The following SCLT1 variants were observed in gnomAD, a reference collection of about 807,000 sequenced individuals.
The protein encoded by SCLT1 is sodium channel and clathrin linker 1.
In SCLT1, 78 loss-of-function variants were observed where a neutral mutation model predicts 112.8. The observed-to-expected ratio is 0.69, with a 90% confidence interval of 0.58 to 0.83. The LOEUF (loss-of-function observed/expected upper bound fraction) is 0.83. SCLT1 is among the 40% of genes least tolerant of loss of function. SCLT1 has a pLI of 0.00. For synonymous variants in SCLT1, 257 were observed against 254.7 expected (o/e 1.01, Z -0.09); for missense variants, 747 against 770.4 (o/e 0.97, Z 0.36).
intron 9 of SCLT1, among the ~76,000 whole-genome samples, chr4:128,979,562 G>A (rs1278998336): frequency 6.6e-6 from 1 of 152,084 alleles, no homozygotes; most frequent in Non-Finnish European, 1.5e-5. Context: ...TGTTGTTTAT[G>A]AGCTATTCAG....
At chr4:129,012,337 T>G (rs1042396587) in intron 5 of SCLT1, among the ~76,000 whole-genome samples, 1 of 152,210 alleles carries the variant, frequency 6.6e-6, no homozygotes, top group African/African-American at 2.4e-5. Context: ...ATTGTATGGT[T>G]TTGAGCAAAT....
chr4:129,021,096 A>G (rs1454718758), intron 5 of SCLT1, among the ~76,000 whole-genome samples: 5 of 152,120 alleles, frequency 3.3e-5, no homozygotes, highest in African/African-American at 1.2e-4. Context: ...GGTCCAACCC[A>G]TGGAGGATGA....
chr4:129,093,372 G>A lies in SCLT1; in HGVS notation c.-269C>T. 1.8e-6 allele frequency: 1 copy of A among 543,262 alleles called. No individual in the cohort carries two copies. Among genetic ancestry groups the A allele is most frequent in the Non-Finnish European group, 3.3e-6 (1 of 302,538 alleles). The allele number at this position is 543,262 out of a possible 1,614,324, so 33.7% of individuals were successfully genotyped here. On this transcript the variant is annotated 5_prime_UTR_variant, in exon 1 of 21. Coordinates refer to ENST00000281142, the MANE Select transcript of SCLT1 (RefSeq NM_144643.4). The stretch of plus-strand genomic sequence containing the variant: ...AATCCCACGCTGGTGGGAAGAGGAC[G>A]CGGTCGATACAGGCGTCCCGCGGGT...
intron 2 of SCLT1, among the ~76,000 whole-genome samples, chr4:129,065,915 A>T (rs562956550): frequency 6.6e-6 from 1 of 152,172 alleles, no homozygotes; most frequent in East Asian, 1.9e-4. Flanking sequence ...AAATTAGAGT[A>T]ACCAGACACT....
chr4:129,071,526 T>C (rs1299288403), intron 2 of SCLT1, among the ~76,000 whole-genome samples: 2 of 152,226 alleles, frequency 1.3e-5, no homozygotes, highest in East Asian at 3.8e-4. Flanking sequence ...TTACCCATCA[T>C]ATAATGTCCC....
At chr4:128,958,466 C>T (rs1739398338) in intron 12 of SCLT1, among the ~76,000 whole-genome samples, 1 of 152,272 alleles carries the variant, frequency 6.6e-6, no homozygotes, top group Non-Finnish European at 1.5e-5. Flanking sequence ...TAGACAGCCT[C>T]TGTGAGCGTC....
chr4:129,039,768 A>C, intron 4 of SCLT1: 1 of 164,892 alleles, frequency 6.1e-6, no homozygotes, highest in Non-Finnish European at 1.3e-5. Context: ...TGAAGGAGTA[A>C]AAAGATGTTA....
intron 5 of SCLT1, among the ~76,000 whole-genome samples, chr4:129,033,715 C>G (rs369819976): frequency 1.3e-5 from 2 of 151,796 alleles, no homozygotes; most frequent in East Asian, 3.9e-4. Flanking sequence ...GCAGAAGAAA[C>G]AAGTAAAAGG....
At chr4:128,891,507 T>C (rs1218597439) in intron 18 of SCLT1, among the ~76,000 whole-genome samples, 1 of 152,200 alleles carries the variant, frequency 6.6e-6, no homozygotes, top group African/African-American at 2.4e-5. Flanking sequence ...ATACATATTT[T>C]AAAAGTACAA....
chr4:129,003,674 AT>A, intron 6 of SCLT1, 66 bp downstream of exon 6: 4 of 1,204,742 alleles, frequency 3.3e-6, no homozygotes, highest in Non-Finnish European at 4.7e-6. Flanking sequence ...ATAAATAATG[AT>A]TAACATGAAT....
intron 18 of SCLT1, among the ~76,000 whole-genome samples, chr4:128,920,021 A>C (rs1434464645): frequency 6.6e-6 from 1 of 152,140 alleles, no homozygotes; most frequent in East Asian, 1.9e-4. Flanking sequence ...AATTGAGGAG[A>C]AGGGACTTCT....
At chr4:129,020,790 T>C (rs1745401546) in intron 5 of SCLT1, among the ~76,000 whole-genome samples, 1 of 152,250 alleles carries the variant, frequency 6.6e-6, no homozygotes, top group African/African-American at 2.4e-5. Flanking sequence ...TGTATATGTT[T>C]ACATTTTTAA....
chr4:129,044,020 G>T lies in SCLT1; in HGVS notation c.134C>A (p.Thr45Lys). ...KAVCQGEGDD[T>K]FENLVFDQSF... ...TTGGTCAAATACTAGGTTTTCAAATGTGTCGTCTCCTTCTCCTTGGCAGAC... is the reference window on the plus strand; with the variant it reads ...TTGGTCAAATACTAGGTTTTCAAATTTGTCGTCTCCTTCTCCTTGGCAGAC... Residue 45 changes from threonine (T) to lysine (K), a missense_variant, in exon 3 of 21, where the codon ACA becomes AAA. By Grantham distance (78) the Thr-to-Lys change is moderately conservative (BLOSUM62 -1). Coordinates refer to ENST00000281142, the MANE Select transcript of SCLT1 (RefSeq NM_144643.4). 6.4e-7 allele frequency: 1 copy of T among 1,564,488 alleles called. No individual in the cohort carries two copies. The highest frequency in any genetic ancestry group is 8.8e-7 in the Non-Finnish European group (1 of 1,140,344).
At chr4:128,910,708 T>G (rs986461058) in intron 18 of SCLT1, among the ~76,000 whole-genome samples, 4 of 152,124 alleles carry the variant, frequency 2.6e-5, no homozygotes, top group Non-Finnish European at 5.9e-5. Flanking sequence ...ACTTAGCTCT[T>G]TAATACGTCT....
intron 11 of SCLT1, among the ~76,000 whole-genome samples, chr4:128,961,706 T>C (rs1276270956): frequency 6.6e-6 from 1 of 152,170 alleles, no homozygotes; most frequent in African/African-American, 2.4e-5. Flanking sequence ...TGTTCAAAAG[T>C]ATTTCCCCCA....
intron 18 of SCLT1, among the ~76,000 whole-genome samples, chr4:128,911,073 G>A (rs1735059202): frequency 6.6e-6 from 1 of 152,060 alleles, no homozygotes; most frequent in South Asian, 2.1e-4. Flanking sequence ...AGACCAGCCT[G>A]GCAAACATGG....
intron 9 of SCLT1, chr4:128,972,460 C>G (rs1045360876): frequency 6.7e-6 from 1 of 150,364 alleles, no homozygotes; most frequent in South Asian, 2.1e-4. Flanking sequence ...GTTGGAGACA[C>G]AGGAAGCAAG....
intron 9 of SCLT1, among the ~76,000 whole-genome samples, chr4:128,991,832 T>A (rs918050629): frequency 6.6e-6 from 1 of 151,786 alleles, no homozygotes; most frequent in Non-Finnish European, 1.5e-5. Context: ...GTATATAATC[T>A]ATTTGCATTT....
chr4:128,952,514 A>G (rs980453631), intron 14 of SCLT1: 5 of 557,236 alleles, frequency 9.0e-6, no homozygotes, highest in Admixed American at 2.5e-5. Flanking sequence ...ACAGCTAGCA[A>G]TAGCATCCTG....
Sources: gnomAD v4.1 joint callset for allele counts (sites outside exome capture counted in the v4.1 genomes callset) on GRCh38, gnomAD v4.1.1 for gene constraint, MANE v1.5 for transcripts, NCBI Gene and HGNC (gene_info 2026-07-23, HGNC 2026-07-21) for gene names.